The following DOCK6 variants were observed in gnomAD, a reference collection of about 807,000 sequenced individuals.
DOCK6 encodes dedicator of cytokinesis protein 6.
In DOCK6, 167 loss-of-function variants were observed where a neutral mutation model predicts 230.3. That is an observed-to-expected ratio of 0.73 (90% CI 0.64 to 0.82). The LOEUF (loss-of-function observed/expected upper bound fraction) is 0.82, where lower values mean the gene tolerates loss of function less well. Ranked by LOEUF, DOCK6 falls within the 40% of genes least tolerant of loss-of-function variation. The pLI, the probability that DOCK6 is intolerant of heterozygous loss-of-function variation, is 0.00. For synonymous variants in DOCK6, 1,148 were observed against 1,185.0 expected, an observed-to-expected ratio of 0.97 and a Z score of 0.64; for missense variants, 2,598 against 2,825.8, an observed-to-expected ratio of 0.92 and a Z score of 1.83.
Position 11,237,546 on chromosome 19 carries a change from C to G in DOCK6, c.1983G>C (p.Leu661=). Residue 661 remains leucine, a synonymous_variant, in exon 18 of 48, where the codon CTG becomes CTC. Coordinates refer to ENST00000294618, the MANE Select transcript of DOCK6 (RefSeq NM_020812.4). ...CGGTCCTCAGGCGCCCGTGCTGCAGCAGTGGGATCCACTGGGGAGAGGCTG... is the reference window on the plus strand; with the variant it reads ...CGGTCCTCAGGCGCCCGTGCTGCAGGAGTGGGATCCACTGGGGAGAGGCTG... ...ETPVGFTWIP[L]LQHGRLRTGP... 1 of 1,595,542 alleles carries G rather than the reference C, an allele frequency of 6.3e-7. No individual in the cohort carries two copies. Among genetic ancestry groups the G allele is most frequent in the Non-Finnish European group, 8.5e-7 (1 of 1,173,160 alleles).
At chr19:11,220,667 T>C (rs527423389) in intron 28 of DOCK6, among the ~76,000 whole-genome samples, 2 of 152,180 alleles carry the variant, frequency 1.3e-5, no homozygotes, top group South Asian at 4.1e-4. Flanking sequence ...GACACATGGA[T>C]GATCAAATCT....
intron 28 of DOCK6, 190 bp downstream of exon 28, chr19:11,221,661 A>G: frequency 4.0e-6 from 3 of 745,740 alleles, no homozygotes; most frequent in Non-Finnish European, 6.5e-6. Context: ...TACTGTCTCC[A>G]TTACAGGGGA....
intron 34 of DOCK6, 106 bp from the exon 35 acceptor site, chr19:11,213,434 C>T: frequency 6.8e-7 from 1 of 1,472,874 alleles, no homozygotes; most frequent in Non-Finnish European, 9.1e-7. Context: ...GTGTTCTGTC[C>T]TCTTTGGCCA....
rs538336996 is a variant in DOCK6, at chr19:11,202,837, A to G, written c.5236-128T>C. The G allele has an allele frequency of 5.5e-6, 8 of 1,464,208 alleles. No homozygotes were observed. The South Asian group carries it at 9.2e-5, about 17-fold the overall frequency. 90.7% of individuals were successfully genotyped at this position (1,464,208 alleles called of 1,614,324 possible). On this transcript the variant is annotated intron_variant, in intron 41 of 47. Transcript: ENST00000294618. The surrounding 1 kb of genome is among the most constrained non-coding windows in gnomAD (Gnocchi z 5.3). ...CCCGAGAACATCAGGGCATGGGCAC[A>G]GGCAGGGGGCCCTGAGAACATTGGG...
At chr19:11,217,666 G>A (rs1200058435) in intron 28 of DOCK6, among the ~76,000 whole-genome samples, 2 of 150,080 alleles carry the variant, frequency 1.3e-5, no homozygotes, top group Non-Finnish European at 3.0e-5. Flanking sequence ...GCTGTGGCAC[G>A]AGAATCTCTT....
At position 11,200,790 on chromosome 19, in the gene DOCK6, T is replaced by A. The variant is rs1288884793; in HGVS notation, c.5865A>T (p.Ala1955=). The A allele has an allele frequency of 6.2e-7, 1 of 1,613,106 alleles. No homozygotes were observed. The highest frequency in any genetic ancestry group is 2.2e-5 in the East Asian group (1 of 44,850). The part of the protein sequence containing the change: ...GPLEVAQVFL[A]EIPEDPKLFR... ...AGAGCTTGGGGTCTTCCGGGATCTC[T>A]GCTAAAAACACCTGGGCCACCTCCA... Residue 1955 remains alanine (A), a synonymous_variant, in exon 46 of 48, where the codon GCA becomes GCT. Coordinates refer to ENST00000294618, the MANE Select transcript of DOCK6 (RefSeq NM_020812.4). This position sits in a 1 kb window ranked among gnomAD's most constrained non-coding sequence, Gnocchi z 4.3.
Position 11,215,894 on chromosome 19 carries a change from T to C in DOCK6, c.3928A>G (p.Thr1310Ala), listed in dbSNP as rs2079478192. ...TTCATATCCAGAGATTTTTTGAATG[T>C]GAGGCTGTTGATGCGTTCAAAGGCC... ...KKAFERINSL[T>A]FKKSLDMKAR... Residue 1310 changes from threonine (T) to alanine (A), a missense_variant, in exon 31 of 48, where the codon ACA becomes GCA. By Grantham distance (58) the Thr-to-Ala change is moderately conservative. Transcript: ENST00000294618. 1.2e-6 allele frequency: 2 copies of C among 1,613,752 alleles called. No individual in the cohort carries two copies. The highest frequency in any genetic ancestry group is 1.7e-6 in the Non-Finnish European group (2 of 1,179,830).
At chr19:11,256,149 C>T (rs1028404743) in intron 1 of DOCK6, among the ~76,000 whole-genome samples, 1 of 152,072 alleles carries the variant, frequency 6.6e-6, no homozygotes, top group Non-Finnish European at 1.5e-5. Context: ...TTGAGAAAAG[C>T]GCTTGTGGGG....
chr19:11,236,179 C>T lies in DOCK6; in HGVS notation c.2392+167G>A. On this transcript the variant is annotated intron_variant, in intron 20 of 47. Transcript: ENST00000294618. This position sits in a 1 kb window ranked among gnomAD's most constrained non-coding sequence, Gnocchi z 5.2. ...ACAGGCGTGAACCGCTGCACCCGGG[C>T]CAAAGGGTCACAGAAGACCTTCTCT... The T allele has an allele frequency of 2.7e-6, 2 of 731,160 alleles. No individual in the cohort carries two copies. Among genetic ancestry groups the T allele is most frequent in the African/African-American group, 1.8e-5 (1 of 56,260 alleles). 45.3% of individuals were successfully genotyped at this position (731,160 alleles called of 1,614,324 possible). A position where few individuals can be genotyped will look rare whatever the true frequency, so the allele number is the denominator to read the frequency against.
Position 11,200,498 on chromosome 19 carries a change from G to A in DOCK6, c.5940-29C>T, listed in dbSNP as rs1235828121. ...AGGGCCAGAGGGTGGGAGATGCTCA[G>A]AGACTCGCACACGGGACTGAAAGCA... On this transcript the variant is annotated intron_variant, in intron 46 of 47. Transcript: ENST00000294618. The surrounding 1 kb of genome is among the most constrained non-coding windows in gnomAD (Gnocchi z 4.3). 6.2e-7 allele frequency: 1 copy of A among 1,602,890 alleles called. No individual in the cohort carries two copies. The highest frequency in any genetic ancestry group is 1.7e-5 in the Admixed American group (1 of 58,858).
At position 11,221,922 on chromosome 19, in the gene DOCK6, C is replaced by A. The variant is rs778082263; in HGVS notation, c.3479G>T (p.Arg1160Leu). 5.9e-5 allele frequency: 95 copies of A among 1,613,294 alleles called. No homozygotes were observed. Among genetic ancestry groups the A allele is most frequent in the Non-Finnish European group, 7.3e-5 (86 of 1,179,874 alleles). The change falls in exon 28 of 48, where the codon CGT (arginine) becomes CTT (leucine). Residue 1160 changes from arginine to leucine, a missense_variant. Physicochemically the swap from Arg to Leu is moderately radical, Grantham distance 102. Coordinates refer to ENST00000294618, the MANE Select transcript of DOCK6 (RefSeq NM_020812.4). ...CAGTGGCAGGTACAGCTCGGCCACA[C>A]GAGCCTTCACAGTGGCCTCGGCGTA... ...PRYAEATVKA[R>L]VAELYLPLLS...
At chr19:11,246,070 G>T (rs1315732136) in intron 7 of DOCK6, among the ~76,000 whole-genome samples, 192 bp from the exon 8 acceptor site, 1 of 151,418 alleles carries the variant, frequency 6.6e-6, no homozygotes, top group African/African-American at 2.4e-5. Context: ...GTTTTTTGTT[G>T]GTTTTTTTTT....
intron 35 of DOCK6, 43 bp from the exon 36 acceptor site, chr19:11,212,194 C>A (rs376965748): frequency 1.3e-6 from 2 of 1,584,154 alleles, no homozygotes; most frequent in South Asian, 1.1e-5. Flanking sequence ...GAGTCTCAGA[C>A]CCCAGACCCC....
In DOCK6 at chr19:11,240,224, C is replaced by T. The variant is rs771459740; in HGVS notation, c.1643+1821G>A. On this transcript the variant is annotated intron_variant, in intron 14 of 47. Coordinates refer to ENST00000294618, the MANE Select transcript of DOCK6 (RefSeq NM_020812.4). ...AGGCACAGAAGGTGCTACGGGACAGCGTGCAGCGGCTAGAAGTCCAGCTGA... is the reference window on the plus strand; with the variant it reads ...AGGCACAGAAGGTGCTACGGGACAGTGTGCAGCGGCTAGAAGTCCAGCTGA... 8.9e-6 allele frequency: 14 copies of T among 1,572,150 alleles called. 1 individual carries two copies. The highest frequency in any genetic ancestry group is 8.2e-5 in the South Asian group (7 of 85,380).
intron 22 of DOCK6, among the ~76,000 whole-genome samples, chr19:11,232,579 C>G (rs544966904): frequency 8.3e-6 from 1 of 121,124 alleles, no homozygotes; most frequent in East Asian, 2.5e-4. Context: ...TATACAGACC[C>G]AGGTACATAC....
At chr19:11,230,747 CAG>C (rs1204224464) in intron 22 of DOCK6, among the ~76,000 whole-genome samples, 1 of 152,026 alleles carries the variant, frequency 6.6e-6, no homozygotes, top group Non-Finnish European at 1.5e-5. Flanking sequence ...CCAGGAATAG[CAG>C]AGAGAGCCCA....
intron 14 of DOCK6, among the ~76,000 whole-genome samples, chr19:11,239,113 G>A (rs1251420576): frequency 2.0e-5 from 3 of 152,120 alleles, no homozygotes; most frequent in Non-Finnish European, 4.4e-5. Context: ...GGCAGTCAGT[G>A]GTGATCTGGG....
rs772432226 is a variant in DOCK6, at chr19:11,215,908, C to G, written c.3914G>C (p.Arg1305Pro). The G allele has an allele frequency of 1.2e-6, 2 of 1,613,606 alleles. No individual in the cohort carries two copies. The highest frequency in any genetic ancestry group is 1.7e-6 in the Non-Finnish European group (2 of 1,179,800). The stretch of plus-strand genomic sequence containing the variant: ...TTTTTTGAATGTGAGGCTGTTGATG[C>G]GTTCAAAGGCCTTTTTCCCCTGGGG... ...FEYKGKKAFERINSLTFKKSL... is the reference protein window; with the variant it reads ...FEYKGKKAFEPINSLTFKKSL... Residue 1305 changes from arginine to proline, a missense_variant, in exon 31 of 48, where the codon CGC (arginine) becomes CCC (proline). Arg to Pro is a moderately radical substitution (Grantham distance 103). Transcript: ENST00000294618.
At chr19:11,213,365 C>T (rs780505272) in intron 34 of DOCK6, 37 bp from the exon 35 acceptor site, 1 of 1,591,372 alleles carries the variant, frequency 6.3e-7, no homozygotes, top group Admixed American at 1.8e-5. Flanking sequence ...TGTCCAGCCC[C>T]TCCCCGTTCT....
Sources: allele counts gnomAD v4.1 joint callset (sites outside exome capture counted in the v4.1 genomes callset), GRCh38; gene constraint gnomAD v4.1.1; non-coding constraint Gnocchi (gnomAD v3.1); transcripts MANE v1.5; gene names NCBI Gene and HGNC (gene_info 2026-07-23, HGNC 2026-07-21).